The following RBFOX1 variants were observed in gnomAD, a reference collection of about 807,000 sequenced individuals.
RBFOX1 encodes RNA binding fox-1 homolog 1.
A neutral mutation model predicts 57.7 loss-of-function variants in RBFOX1; 8 were observed. The ratio of observed to expected loss-of-function variants is 0.14; its 90% confidence interval spans 0.08 to 0.25. The LOEUF is 0.25. Ranked by LOEUF, RBFOX1 falls within the 10% of genes least tolerant of loss-of-function variation. The pLI, the probability that RBFOX1 is intolerant of heterozygous loss-of-function variation, is 1.00. For synonymous variants in RBFOX1, 326 were observed against 222.4 expected (o/e 1.47, Z -4.15); for missense variants, 611 against 548.5 (o/e 1.11, Z -1.14).
intron 4 of RBFOX1, among the ~76,000 whole-genome samples, chr16:7,451,356 A>G (rs962271058): frequency 2.0e-5 from 3 of 152,170 alleles, no homozygotes; most frequent in Non-Finnish European, 4.4e-5. Context: ...ATTTTGATTG[A>G]GATAGTTTTG....
In RBFOX1 at chr16:6,657,899, C is replaced by G. The variant is rs535901353; in HGVS notation, c.-16+3249C>G. ...ACCCCTATAGGATGTGATGGCTTCTCAAGAATCACTTTATTTTTTATTATT... is the reference window on the plus strand; with the variant it reads ...ACCCCTATAGGATGTGATGGCTTCTGAAGAATCACTTTATTTTTTATTATT... On this transcript the variant is annotated intron_variant, in intron 3 of 15. Coordinates refer to ENST00000550418, the MANE Select transcript of RBFOX1 (RefSeq NM_018723.4). Among the ~76,000 whole-genome samples the G allele has an allele frequency of 2.6e-5, 4 of 152,200 alleles. No homozygotes were observed. In the South Asian group the frequency reaches 6.2e-4, roughly 24 times the overall value.
intron 5 of RBFOX1, among the ~76,000 whole-genome samples, chr16:7,555,956 G>T (rs2088304592): frequency 6.6e-6 from 1 of 152,022 alleles, no homozygotes; most frequent in South Asian, 2.1e-4. Context: ...TTGAGAGGAG[G>T]GATTTTTTCC....
chr16:6,470,746 C>G (rs971747516), intron 2 of RBFOX1, among the ~76,000 whole-genome samples: 7 of 152,192 alleles, frequency 4.6e-5, no homozygotes, highest in Non-Finnish European at 1.0e-4. Context: ...TAACAGTGAT[C>G]TAGGAGTTGG....
intron 3 of RBFOX1, among the ~76,000 whole-genome samples, chr16:7,008,016 T>C (rs1806547593): frequency 6.6e-6 from 1 of 152,182 alleles, no homozygotes; most frequent in Admixed American, 6.5e-5. Flanking sequence ...TTGGGCATTG[T>C]GTCTCTCACC....
At chr16:7,325,169 C>T (rs1168929716) in intron 4 of RBFOX1, among the ~76,000 whole-genome samples, 1 of 152,178 alleles carries the variant, frequency 6.6e-6, no homozygotes, top group Non-Finnish European at 1.5e-5. Context: ...TATCAACAGC[C>T]ATTTACTGAG....
At chr16:6,496,737 A>G (rs1033941218) in intron 2 of RBFOX1, among the ~76,000 whole-genome samples, 2 of 152,086 alleles carry the variant, frequency 1.3e-5, no homozygotes, top group Non-Finnish European at 1.5e-5. Context: ...GGGTGGGTGG[A>G]TCGCTTGAGG....
intron 2 of RBFOX1, among the ~76,000 whole-genome samples, chr16:6,324,262 C>G (rs977113570): frequency 2.0e-5 from 3 of 151,292 alleles, no homozygotes; most frequent in Admixed American, 1.3e-4. Context: ...ACCAATCTGG[C>G]TTCAGTTTCC....
chr16:5,749,280 C>T (rs1412699334), intron 3 of RBFOX1, among the ~76,000 whole-genome samples: 1 of 152,168 alleles, frequency 6.6e-6, no homozygotes, highest in Non-Finnish European at 1.5e-5. Context: ...CGACCTTTCT[C>T]TCTGGCTGCC....
intron 14 of RBFOX1, among the ~76,000 whole-genome samples, chr16:7,708,782 A>C (rs1248983298): frequency 6.6e-6 from 1 of 151,708 alleles, no homozygotes; most frequent in Admixed American, 6.6e-5. Flanking sequence ...GTGTAGAAAC[A>C]GTATTATGGG....
intron 3 of RBFOX1, among the ~76,000 whole-genome samples, chr16:6,683,957 C>T (rs1320702796): frequency 6.6e-6 from 1 of 152,182 alleles, no homozygotes; most frequent in Non-Finnish European, 1.5e-5. Flanking sequence ...CTGCTAATAC[C>T]TCTTCCCTTC....
intron 1 of RBFOX1, among the ~76,000 whole-genome samples, chr16:5,325,485 G>A (rs2064543208): frequency 6.6e-6 from 1 of 151,986 alleles, no homozygotes; most frequent in Non-Finnish European, 1.5e-5. Flanking sequence ...TGGATGTACG[G>A]TTCTATGAAT....
At chr16:6,872,047 C>A (rs905948316) in intron 3 of RBFOX1, among the ~76,000 whole-genome samples, 9 of 151,390 alleles carry the variant, frequency 5.9e-5, no homozygotes, top group African/African-American at 2.2e-4. Flanking sequence ...GGTATCGTTT[C>A]TGGAAAGCCT....
chr16:5,914,340 G>C (rs186222580), intron 4 of RBFOX1, among the ~76,000 whole-genome samples: 37 of 152,282 alleles, frequency 2.4e-4, no homozygotes, highest in Non-Finnish European at 3.5e-4. Context: ...AGCTTGGCTG[G>C]GTTCCCCTGG....
At chr16:6,595,905 G>A (rs1481925958) in intron 2 of RBFOX1, among the ~76,000 whole-genome samples, 1 of 151,986 alleles carries the variant, frequency 6.6e-6, no homozygotes, top group Admixed American at 6.6e-5. Flanking sequence ...TTAAAATAGG[G>A]CTATTTGTCT....
chr16:7,597,506 T>C, intron 9 of RBFOX1, 75 bp downstream of exon 9: 1 of 1,342,514 alleles, frequency 7.4e-7, no homozygotes, highest in South Asian at 1.3e-5. Context: ...AGAGATTCTA[T>C]TACAACAAGC....
At chr16:6,728,930 C>T (rs1210567789) in intron 3 of RBFOX1, among the ~76,000 whole-genome samples, 6 of 152,114 alleles carry the variant, frequency 3.9e-5, no homozygotes, top group African/African-American at 1.4e-4. Context: ...TACATACGCA[C>T]ACGTATATTT....
In RBFOX1 at chr16:6,706,364, A is replaced by G. The variant is rs753845987; in HGVS notation, c.-16+51714A>G. Among the ~76,000 whole-genome samples the G allele has an allele frequency of 1.1e-3, 160 of 152,300 alleles. 2 individuals carry two copies. Among genetic ancestry groups the G allele is most frequent in the Admixed American group, 4.0e-3 (61 of 15,294 alleles). On this transcript the variant is annotated intron_variant, in intron 3 of 15. Coordinates refer to ENST00000550418, the MANE Select transcript of RBFOX1 (RefSeq NM_018723.4). ...TATTAATGTGCAAAACTGTTATGCA[A>G]TGTAGCAGCCCAATTAATAGGTGTC...
intron 1 of RBFOX1, among the ~76,000 whole-genome samples, chr16:5,336,615 C>G (rs2064901684): frequency 6.6e-6 from 1 of 152,224 alleles, no homozygotes; most frequent in African/African-American, 2.4e-5. Flanking sequence ...TTGGCATCGT[C>G]TCTGAAGCAG....
rs57684251 is a variant in RBFOX1, at chr16:6,871,911, C to CTGTGTGTGTGTG, written c.-15-180106_-15-180095dup. ...AGGCTCTTTGAGAGAGGGAGAGAGT[C>CTGTGTGTGTGTG]TGTGTGTGTGTGTGTGTGTGTGTGT... On this transcript the variant is annotated intron_variant, in intron 3 of 15. Coordinates refer to ENST00000550418, the MANE Select transcript of RBFOX1 (RefSeq NM_018723.4). 1.9e-3 allele frequency among the ~76,000 whole-genome samples: 240 copies of CTGTGTGTGTGTG among 129,666 alleles called. 2 individuals carry two copies. Among genetic ancestry groups the CTGTGTGTGTGTG allele is most frequent in the African/African-American group, 4.9e-3 (158 of 32,306 alleles). The allele number at this position is 129,666 out of a possible 152,430, so 85.1% of individuals were successfully genotyped here.
Sources: allele counts gnomAD v4.1 joint callset (sites outside exome capture counted in the v4.1 genomes callset), GRCh38; gene constraint gnomAD v4.1.1; transcripts MANE v1.5; gene names NCBI Gene and HGNC (gene_info 2026-07-23, HGNC 2026-07-21).